Variants in LAMP5 observed in about 807,000 individuals in gnomAD.
LAMP5 encodes lysosome associated membrane protein 5.
In LAMP5, 36 loss-of-function variants were observed where a neutral mutation model predicts 30.2. That is an observed-to-expected ratio of 1.19 (90% confidence interval 0.91 to 1.57). LAMP5 has a LOEUF of 1.57. LAMP5 is among the 40% of genes most tolerant of loss of function. The pLI, the probability that LAMP5 is intolerant of heterozygous loss-of-function variation, is 0.00. For missense variants in LAMP5, 377 were observed against 354.9 expected, an observed-to-expected ratio of 1.06 and a Z score of -0.50; for synonymous variants, 149 against 134.6, an observed-to-expected ratio of 1.11 and a Z score of -0.74.
At chr20:9,528,610 T>C (rs554382988) in intron 5 of LAMP5, among the ~76,000 whole-genome samples, 10 of 151,928 alleles carry the variant, frequency 6.6e-5, no homozygotes, top group Non-Finnish European at 8.8e-5. Flanking sequence ...TATGTATGAA[T>C]AGTGTGTATC....
At position 9,529,863 on chromosome 20, in the gene LAMP5, G is replaced by A. The variant is rs1395039135; in HGVS notation, c.*43G>A. On this transcript the variant is annotated 3_prime_UTR_variant, in exon 6 of 6. Coordinates refer to ENST00000246070, the MANE Select transcript of LAMP5 (RefSeq NM_012261.4). ...CCCCCTATTCCTGCTCCCCCAACTG[G>A]ATCAGGTAGAACAACAAAAGCACTT... The A allele has an allele frequency of 6.3e-7, 1 of 1,590,414 alleles. No homozygotes were observed. The highest frequency in any genetic ancestry group is 8.6e-7 in the Non-Finnish European group (1 of 1,161,390).
chr20:9,520,578 C>CGT (rs34089408), intron 5 of LAMP5, among the ~76,000 whole-genome samples: 3,460 of 144,452 alleles, frequency 0.024, 54 homozygotes, highest in East Asian at 0.11. Flanking sequence ...TCCGTGTGTT[C>CGT]GTGTGTGTGT....
At position 9,530,498 on chromosome 20, in the gene LAMP5, A is replaced by G. The variant is rs998902285; in HGVS notation, c.*678A>G. ...AATCTGTGTGAGTCTGTTTTTCAAA[A>G]TGAAATAAAACACACTATTCTCTGG... is the stretch of plus-strand genomic sequence containing the variant. On this transcript the variant is annotated 3_prime_UTR_variant, in exon 6 of 6. Coordinates refer to ENST00000246070, the MANE Select transcript of LAMP5 (RefSeq NM_012261.4). 6.5e-6 allele frequency: 1 copy of G among 152,680 alleles called. No homozygotes were observed. The highest frequency in any genetic ancestry group is 2.4e-5 in the African/African-American group (1 of 41,470). The allele number at this position is 152,680 out of a possible 1,614,324, so 9.5% of individuals were successfully genotyped here.
Position 9,514,925 on chromosome 20 carries a change from C to G in LAMP5, c.64+9C>G. On this transcript the variant is annotated intron_variant, in intron 1 of 5. Transcript: ENST00000246070. ...TCTCCTGATGTTGTTCCGTGAGTAG[C>G]GATTTGGCGACTGGGAGAGAGGACG... is the stretch of plus-strand genomic sequence containing the variant. 6.2e-7 allele frequency: 1 copy of G among 1,613,724 alleles called. No homozygotes were observed. Among genetic ancestry groups the G allele is most frequent in the Non-Finnish European group, 8.5e-7 (1 of 1,179,652 alleles).
chr20:9,514,741 T>A lies in LAMP5; in HGVS notation c.-112T>A. On this transcript the variant is annotated 5_prime_UTR_variant, in exon 1 of 6. Coordinates refer to ENST00000246070, the MANE Select transcript of LAMP5 (RefSeq NM_012261.4). ...ATACGCGCTCCCTCCCTCCCCCTTC[T>A]CTGTCCCCCGCCTCTCGCTCACCCC... 1 of 903,764 alleles carries A rather than the reference T, an allele frequency of 1.1e-6. No homozygotes were observed. The highest frequency in any genetic ancestry group is 1.8e-6 in the Non-Finnish European group (1 of 570,066). 56.0% of individuals were successfully genotyped at this position (903,764 alleles called of 1,614,324 possible). A position where few individuals can be genotyped will look rare whatever the true frequency, so the allele number is the denominator to read the frequency against.
rs993821289 is a variant in LAMP5, at chr20:9,514,795, T to C, written c.-58T>C. 7 of 1,549,156 alleles carry C rather than the reference T, an allele frequency of 4.5e-6. No individual in the cohort carries two copies. The African/African-American group carries it at 8.2e-5, about 18-fold the overall frequency. The stretch of plus-strand genomic sequence containing the variant: ...CCACTCCAGCGGCGACTTTGAGGGA[T>C]TCCCTCTCTGGCGGCCTCTGCAGCA... On this transcript the variant is annotated 5_prime_UTR_variant, in exon 1 of 6. Coordinates refer to ENST00000246070, the MANE Select transcript of LAMP5 (RefSeq NM_012261.4).
chr20:9,517,323 C>T (rs2045047696), intron 4 of LAMP5, among the ~76,000 whole-genome samples: 1 of 152,210 alleles, frequency 6.6e-6, no homozygotes, highest in Admixed American at 6.5e-5. Flanking sequence ...TCCAGAGGAC[C>T]AGCAATCTGT....
rs760308599 is a variant in LAMP5 at position 9,515,587 on chromosome 20, A to G, written c.199A>G (p.Ile67Val). ...CLMAEFAAKF[I>V]VPYDVWASNY... Reference sequence around the variant, plus strand: ...CATGGCAGAGTTTGCAGCCAAATTTATTGTACCTTATGATGTGTGGGCCAG... The same window carrying G: ...CATGGCAGAGTTTGCAGCCAAATTTGTTGTACCTTATGATGTGTGGGCCAG... Residue 67 changes from isoleucine to valine, a missense_variant, in exon 2 of 6, where the codon ATT becomes GTT. Ile to Val is a conservative substitution (Grantham distance 29, BLOSUM62 3). Coordinates refer to ENST00000246070, the MANE Select transcript of LAMP5 (RefSeq NM_012261.4). 3 of 1,614,110 alleles carry G rather than the reference A, an allele frequency of 1.9e-6. No homozygotes were observed. Among genetic ancestry groups the G allele is most frequent in the Non-Finnish European group, 2.5e-6 (3 of 1,180,028 alleles).
chr20:9,524,164 T>C (rs1214240037), intron 5 of LAMP5, among the ~76,000 whole-genome samples: 1 of 152,238 alleles, frequency 6.6e-6, no homozygotes, highest in Non-Finnish European at 1.5e-5. Context: ...GAAATACATA[T>C]ATTGCTGTAT....
At chr20:9,520,654 A>T (rs141873232) in intron 5 of LAMP5, among the ~76,000 whole-genome samples, 1 of 151,870 alleles carries the variant, frequency 6.6e-6, no homozygotes, top group Admixed American at 6.6e-5. Context: ...GCACAGCATA[A>T]TGGTTTCCTG....
chr20:9,518,348 G>A, intron 5 of LAMP5, 120 bp downstream of exon 5: 1 of 773,248 alleles, frequency 1.3e-6, no homozygotes, highest in Non-Finnish European at 2.1e-6. Context: ...AAATGACACT[G>A]CCTGCCTCTT....
intron 1 of LAMP5, 56 bp downstream of exon 1, chr20:9,514,972 A>G: frequency 1.4e-6 from 2 of 1,477,750 alleles, no homozygotes; most frequent in Non-Finnish European, 1.9e-6. Flanking sequence ...CAGAGAACAG[A>G]GCCGGCAAAG....
intron 5 of LAMP5, among the ~76,000 whole-genome samples, chr20:9,519,455 T>C (rs1017818640): frequency 6.6e-6 from 1 of 152,212 alleles, no homozygotes; most frequent in African/African-American, 2.4e-5. Flanking sequence ...AGTCCTAAGA[T>C]AAATTGTCTT....
intron 5 of LAMP5, among the ~76,000 whole-genome samples, chr20:9,526,390 G>A (rs916639882): frequency 1.3e-5 from 2 of 152,186 alleles, no homozygotes; most frequent in African/African-American, 4.8e-5. Flanking sequence ...CATTACATGG[G>A]CAACAGAGTG....
At position 9,516,085 on chromosome 20, in the gene LAMP5, T is replaced by C. The variant is rs768048488; in HGVS notation, c.323T>C (p.Val108Ala). 3 of 1,546,210 alleles carry C rather than the reference T, an allele frequency of 1.9e-6. No homozygotes were observed. The highest frequency in any genetic ancestry group is 2.3e-5 in the East Asian group (1 of 44,422). ...RCGHSQSELQVFWVDRAYALK... is the reference protein window; with the variant it reads ...RCGHSQSELQAFWVDRAYALK... Reference sequence around the variant, plus strand: ...GGCCACAGCCAGTCGGAGCTGCAAGTGTTCTGGGTGGATCGCGCATATGCA... The same window carrying C: ...GGCCACAGCCAGTCGGAGCTGCAAGCGTTCTGGGTGGATCGCGCATATGCA... The change falls in exon 3 of 6, where the codon GTG becomes GCG. Residue 108 changes from valine to alanine, a missense_variant. Coordinates refer to ENST00000246070, the MANE Select transcript of LAMP5 (RefSeq NM_012261.4).
At chr20:9,524,595 T>TAAAAAAAAAAAAAAAAA (rs748114210) in intron 5 of LAMP5, among the ~76,000 whole-genome samples, 93 of 82,168 alleles carry the variant, frequency 1.1e-3, no homozygotes, top group East Asian at 3.7e-3. Context: ...CAGATCGAAC[T>TAAAAAAAAAAAAAAAAA]AAAAAAAAAA....
chr20:9,520,891 A>G (rs1418699769), intron 5 of LAMP5, among the ~76,000 whole-genome samples: 1 of 152,162 alleles, frequency 6.6e-6, no homozygotes, highest in Admixed American at 6.5e-5. Context: ...CTCTTAGCCC[A>G]GCAATGAGCT....
chr20:9,517,778 A>G (rs1001711098), intron 4 of LAMP5, among the ~76,000 whole-genome samples: 8 of 152,128 alleles, frequency 5.3e-5, no homozygotes, highest in African/African-American at 1.9e-4. Context: ...ATACAGTAAC[A>G]AGGGTTGGGT....
rs559187955 is a variant in LAMP5 at position 9,526,179 on chromosome 20, A to G, written c.665-3463A>G. Among the ~76,000 whole-genome samples the G allele has an allele frequency of 3.9e-5, 6 of 152,338 alleles. No homozygotes were observed. In the East Asian group the frequency reaches 9.6e-4, roughly 24 times the overall value. ...TGAGGGCTTTGCTACTTTTTGTGAG[A>G]TAATTTATTTTTTATTTTTACTGTT... On this transcript the variant is annotated intron_variant, in intron 5 of 5. Transcript: ENST00000246070.
Sources: gnomAD v4.1 joint callset for allele counts (sites outside exome capture counted in the v4.1 genomes callset) on GRCh38, gnomAD v4.1.1 for gene constraint, MANE v1.5 for transcripts, NCBI Gene and HGNC (gene_info 2026-07-23, HGNC 2026-07-21) for gene names.